NEK10: variants seen among roughly 807,000 people sequenced by gnomAD.
NEK10 encodes the protein NIMA related kinase 10.
A neutral mutation model predicts 159.8 loss-of-function variants in NEK10; 122 were observed. That is an observed-to-expected ratio of 0.76 (90% CI 0.66 to 0.89). The LOEUF is 0.89. Ranked by LOEUF, NEK10 falls within the 40% of genes least tolerant of loss-of-function variation. The probability of loss-of-function intolerance (pLI) is 0.00; values close to 1 mark genes in which losing one functional copy is unlikely to be tolerated. For missense variants in NEK10, 1,342 were observed against 1,323.1 expected (o/e 1.01, Z -0.22); for synonymous variants, 466 against 457.1 (o/e 1.02, Z -0.25).
chr3:27,180,771 T>C (rs1948009642), intron 26 of NEK10, among the ~76,000 whole-genome samples: 1 of 152,060 alleles, frequency 6.6e-6, no homozygotes, highest in South Asian at 2.1e-4. Context: ...AGAGTCACCA[T>C]TGTCTTTTGC....
intron 23 of NEK10, among the ~76,000 whole-genome samples, chr3:27,209,019 C>G (rs1332914737): frequency 6.6e-6 from 1 of 152,152 alleles, no homozygotes; most frequent in Non-Finnish European, 1.5e-5. Flanking sequence ...ATATACTATG[C>G]CACTAAAAGA....
intron 35 of NEK10, 81 bp from the exon 36 acceptor site, chr3:27,111,401 C>T (rs1319279794): frequency 1.9e-6 from 2 of 1,069,394 alleles, no homozygotes; most frequent in Non-Finnish European, 2.7e-6. Flanking sequence ...AACTGGGGCT[C>T]AGGCATATAA....
chr3:27,233,413 G>A (rs1575379164), intron 23 of NEK10, among the ~76,000 whole-genome samples: 1 of 151,966 alleles, frequency 6.6e-6, no homozygotes, highest in East Asian at 1.9e-4. Flanking sequence ...ATAGATGTTG[G>A]TGTGGATGTG....
At position 27,192,121 on chromosome 3, in the gene NEK10, G is replaced by A; in HGVS notation, c.2413C>T (p.Leu805=). The part of the protein sequence containing the change: ...STSQLSLEKK[L]ERERRRTQRY... ...TGTGTGCGTCTTCGTTCCCGTTCTA[G>A]CTTCTTTTCCAAGGACAACTGGGAT... The change falls in exon 26 of 36, where the codon CTA becomes TTA. Residue 805 remains leucine, a synonymous_variant. Transcript: ENST00000691995. 1.2e-6 allele frequency: 2 copies of A among 1,614,142 alleles called. No individual in the cohort carries two copies. Among genetic ancestry groups the A allele is most frequent in the Middle Eastern group, 1.6e-4 (1 of 6,062 alleles).
At chr3:27,219,330 G>A (rs1451204803) in intron 23 of NEK10, among the ~76,000 whole-genome samples, 1 of 152,152 alleles carries the variant, frequency 6.6e-6, no homozygotes, top group African/African-American at 2.4e-5. Flanking sequence ...TTTGGATTAA[G>A]GCAATTAGTA....
intron 29 of NEK10, among the ~76,000 whole-genome samples, chr3:27,169,793 C>G (rs942055536): frequency 6.6e-6 from 1 of 152,160 alleles, no homozygotes; most frequent in Admixed American, 6.5e-5. Context: ...CTAACACCTG[C>G]TCCCTTCAGC....
intron 26 of NEK10, among the ~76,000 whole-genome samples, chr3:27,175,405 T>G (rs1199640736): frequency 6.6e-6 from 1 of 152,144 alleles, no homozygotes; most frequent in Non-Finnish European, 1.5e-5. Context: ...TCCTGAATCC[T>G]CCAAAACGGA....
intron 30 of NEK10, among the ~76,000 whole-genome samples, chr3:27,156,352 G>C (rs1035725585): frequency 2.6e-5 from 4 of 152,092 alleles, no homozygotes; most frequent in Non-Finnish European, 5.9e-5. Context: ...ACAGTCAGCA[G>C]AGTAAACAGA....
intron 3 of NEK10, among the ~76,000 whole-genome samples, chr3:27,349,341 A>G (rs2047798382): frequency 6.6e-6 from 1 of 152,086 alleles, no homozygotes; most frequent in South Asian, 2.1e-4. Flanking sequence ...AATTCCACTG[A>G]CGGAAAAGCA....
intron 25 of NEK10, among the ~76,000 whole-genome samples, chr3:27,195,855 C>T (rs1169597667): frequency 2.0e-5 from 3 of 152,154 alleles, no homozygotes; most frequent in African/African-American, 7.2e-5. Context: ...TCATTCTGTA[C>T]ATAATACAAT....
intron 23 of NEK10, among the ~76,000 whole-genome samples, chr3:27,253,980 G>A (rs930375393): frequency 6.6e-6 from 1 of 151,984 alleles, no homozygotes; most frequent in Admixed American, 6.5e-5. Flanking sequence ...ATAAGCACCT[G>A]GGCATAAGCT....
At chr3:27,236,616 C>T (rs9817804) in intron 23 of NEK10, among the ~76,000 whole-genome samples, 25,400 of 152,038 alleles carry the variant, frequency 0.17, 4,541 homozygotes, top group African/African-American at 0.45. Context: ...TCGGTAAGTC[C>T]GTGATGTCCC....
intron 23 of NEK10, among the ~76,000 whole-genome samples, chr3:27,253,238 T>G (rs1955843746): frequency 6.6e-6 from 1 of 152,152 alleles, no homozygotes; most frequent in South Asian, 2.1e-4. Context: ...TGGAAAACTT[T>G]TATTGTATTT....
intron 5 of NEK10, among the ~76,000 whole-genome samples, chr3:27,330,332 T>C (rs1172303849): frequency 1.3e-5 from 2 of 152,234 alleles, no homozygotes; most frequent in African/African-American, 2.4e-5. Context: ...TTCATGTCTA[T>C]GTTTAAGGTT....
intron 5 of NEK10, among the ~76,000 whole-genome samples, chr3:27,337,270 G>C (rs1485058911): frequency 2.6e-5 from 4 of 151,902 alleles, no homozygotes; most frequent in Non-Finnish European, 5.9e-5. Context: ...TGACCAACGA[G>C]GTAAAAGACG....
intron 30 of NEK10, among the ~76,000 whole-genome samples, chr3:27,160,142 T>C (rs552979803): frequency 1.9e-3 from 289 of 152,252 alleles, no homozygotes; most frequent in Non-Finnish European, 3.2e-3. Context: ...CATTCACAAA[T>C]TTAAGTGCTT....
rs1174113859 is a variant in NEK10, at chr3:27,107,027, T to C, written c.*4245A>G. 6.6e-6 allele frequency among the ~76,000 whole-genome samples: 1 copy of C among 152,132 alleles called. No individual in the cohort carries two copies. The stretch of plus-strand genomic sequence containing the variant: ...TGTTTTGAGGAATAACATTCAGTTT[T>C]GAATTAAGACTACAGTTCATTTACT... On this transcript the variant is annotated 3_prime_UTR_variant, in exon 36 of 36. Coordinates refer to ENST00000691995, the MANE Select transcript of NEK10 (RefSeq NM_001394966.1).
intron 25 of NEK10, among the ~76,000 whole-genome samples, chr3:27,193,112 A>T (rs1402011293): frequency 6.6e-6 from 1 of 152,178 alleles, no homozygotes; most frequent in Admixed American, 6.5e-5. Context: ...GCATTGTAAA[A>T]TTTCAATAAA....
chr3:27,285,808 A>C (rs2149467255), intron 20 of NEK10, among the ~76,000 whole-genome samples: 1 of 152,320 alleles, frequency 6.6e-6, no homozygotes, highest in African/African-American at 2.4e-5. Flanking sequence ...TTCATTAAGC[A>C]GCCTTATATT....
Sources: allele counts gnomAD v4.1 joint callset (sites outside exome capture counted in the v4.1 genomes callset), GRCh38; gene constraint gnomAD v4.1.1; transcripts MANE v1.5; gene names NCBI Gene and HGNC (gene_info 2026-07-23, HGNC 2026-07-21).